HS6ST3: variants seen among roughly 807,000 people sequenced by gnomAD.
The protein encoded by HS6ST3 is heparan sulfate 6-O-sulfotransferase 3, also known as heparan-sulfate 6-O-sulfotransferase 3.
Under a neutral mutation model 36.7 loss-of-function variants are expected in HS6ST3, and 12 were observed. The observed-to-expected ratio is 0.33, with a 90% confidence interval of 0.21 to 0.53. The LOEUF (loss-of-function observed/expected upper bound fraction) is 0.53, where lower values mean the gene tolerates loss of function less well. Ranked by LOEUF, HS6ST3 falls within the 20% of genes least tolerant of loss-of-function variation. The pLI, the probability that HS6ST3 is intolerant of heterozygous loss-of-function variation, is 0.95. For synonymous variants in HS6ST3, 240 were observed against 257.5 expected (o/e 0.93, Z 0.65); for missense variants, 584 against 640.9 (o/e 0.91, Z 0.96).
intron 1 of HS6ST3, among the ~76,000 whole-genome samples, chr13:96,383,201 C>T (rs1268883406): frequency 6.6e-6 from 1 of 152,018 alleles, no homozygotes; most frequent in East Asian, 1.9e-4. Flanking sequence ...CCTGTAATCC[C>T]AGCACTTTGG....
intron 1 of HS6ST3, among the ~76,000 whole-genome samples, chr13:96,716,630 T>C (rs1209664799): frequency 6.6e-6 from 1 of 152,208 alleles, no homozygotes; most frequent in Non-Finnish European, 1.5e-5. Context: ...ATCATCTACC[T>C]ATCATTTAAT....
rs147761104 is a variant in HS6ST3, at chr13:96,255,759, C to G, written c.707+164190C>G. On this transcript the variant is annotated intron_variant, in intron 1 of 1. Coordinates refer to ENST00000376705, the MANE Select transcript of HS6ST3 (RefSeq NM_153456.4). ...TAGAAAACTTTATCCATATGAACAGCTCTAGTGATTTCCAAGTTTCTCTTT... is the reference window on the plus strand; with the variant it reads ...TAGAAAACTTTATCCATATGAACAGGTCTAGTGATTTCCAAGTTTCTCTTT... Among the ~76,000 whole-genome samples, 109 of 152,298 alleles carry G rather than the reference C, an allele frequency of 7.2e-4. 2 individuals carry two copies. Among genetic ancestry groups the G allele is most frequent in the African/African-American group, 2.5e-3 (105 of 41,568 alleles).
intron 1 of HS6ST3, among the ~76,000 whole-genome samples, chr13:96,724,556 C>T (rs910804285): frequency 6.6e-6 from 1 of 152,182 alleles, no homozygotes; most frequent in Non-Finnish European, 1.5e-5. Context: ...AGCAAACACT[C>T]ATCTGCTTTC....
intron 1 of HS6ST3, among the ~76,000 whole-genome samples, chr13:96,820,056 A>G (rs892164998): frequency 3.9e-5 from 6 of 152,090 alleles, no homozygotes; most frequent in Admixed American, 3.3e-4. Context: ...AGCCTGGGCA[A>G]TAGAGTGAGA....
intron 1 of HS6ST3, among the ~76,000 whole-genome samples, chr13:96,734,811 C>T (rs765353271): frequency 1.3e-5 from 2 of 152,156 alleles, no homozygotes; most frequent in African/African-American, 4.8e-5. Flanking sequence ...TGATTCTCTT[C>T]GCCAGATCAG....
At chr13:96,460,346 CTTAT>C in intron 1 of HS6ST3, among the ~76,000 whole-genome samples, 1 of 152,262 alleles carries the variant, frequency 6.6e-6, no homozygotes, top group East Asian at 1.9e-4. Context: ...AATTCTTCTA[CTTAT>C]TTAAGTTGTC....
chr13:96,805,570 T>C (rs935074235), intron 1 of HS6ST3, among the ~76,000 whole-genome samples: 1 of 152,232 alleles, frequency 6.6e-6, no homozygotes, highest in African/African-American at 2.4e-5. Flanking sequence ...TTATTTACTA[T>C]GTGCCAAGCA....
In HS6ST3 at chr13:96,762,132, T is replaced by A. The variant is rs73562331; in HGVS notation, c.708-70358T>A. On this transcript the variant is annotated intron_variant, in intron 1 of 1. Coordinates refer to ENST00000376705, the MANE Select transcript of HS6ST3 (RefSeq NM_153456.4). ...TTACATTGCTTGCAATTAAAATCTGTAAATATTTAGATACCTACCATCAAG... is the reference window on the plus strand; with the variant it reads ...TTACATTGCTTGCAATTAAAATCTGAAAATATTTAGATACCTACCATCAAG... Among the ~76,000 whole-genome samples the A allele has an allele frequency of 9.0e-3, 1,369 of 152,256 alleles. 23 individuals are homozygous for A. The highest frequency in any genetic ancestry group is 0.031 in the African/African-American group (1,295 of 41,546).
At chr13:96,184,878 T>A (rs575668785) in intron 1 of HS6ST3, among the ~76,000 whole-genome samples, 1 of 152,078 alleles carries the variant, frequency 6.6e-6, no homozygotes, top group Admixed American at 6.6e-5. Context: ...AGGGTAAGGA[T>A]CTCATCATCT....
rs1221321839 is a variant in HS6ST3, at chr13:96,799,966, G to GTATA, written c.708-32512_708-32509dup. On this transcript the variant is annotated intron_variant, in intron 1 of 1. Coordinates refer to ENST00000376705, the MANE Select transcript of HS6ST3 (RefSeq NM_153456.4). ...TGTGTATATATATATATATATATGT[G>GTATA]TATATATATATATATGTATATATAT... Among the ~76,000 whole-genome samples the GTATA allele has an allele frequency of 4.9e-5, 3 of 60,674 alleles. 1 individual carries two copies. The highest frequency in any genetic ancestry group is 2.6e-4 in the African/African-American group (2 of 7,758). 39.8% of individuals were successfully genotyped at this position (60,674 alleles called of 152,430 possible).
At chr13:96,163,331 G>A (rs1286098844) in intron 1 of HS6ST3, among the ~76,000 whole-genome samples, 3 of 147,240 alleles carry the variant, frequency 2.0e-5, no homozygotes, top group African/African-American at 5.0e-5. Flanking sequence ...CCGGGTTCAC[G>A]ACATTCTCCT....
At chr13:96,495,677 A>G (rs1296978868) in intron 1 of HS6ST3, among the ~76,000 whole-genome samples, 1 of 152,174 alleles carries the variant, frequency 6.6e-6, no homozygotes, top group East Asian at 1.9e-4. Flanking sequence ...GCCTGGGGCA[A>G]GGGGAGTGTA....
At chr13:96,113,084 C>T (rs1462670348) in intron 1 of HS6ST3, among the ~76,000 whole-genome samples, 1 of 152,024 alleles carries the variant, frequency 6.6e-6, no homozygotes, top group South Asian at 2.1e-4. Flanking sequence ...GTGTGGTGTT[C>T]CTCCAGATCC....
At chr13:96,399,658 T>C (rs367716371) in intron 1 of HS6ST3, among the ~76,000 whole-genome samples, 3 of 152,280 alleles carry the variant, frequency 2.0e-5, no homozygotes, top group Non-Finnish European at 4.4e-5. Flanking sequence ...AGAATATCAC[T>C]GACCATTGCC....
intron 1 of HS6ST3, among the ~76,000 whole-genome samples, chr13:96,355,358 TACACACACACACACACACACACAC>T (rs66509801): frequency 4.3e-5 from 6 of 140,482 alleles, no homozygotes; most frequent in Non-Finnish European, 6.2e-5. Flanking sequence ...AGTCTATAGT[TACACACACACACACACACACACAC>T]ACACACACAC....
chr13:96,800,000 A>ATG (rs1555325266), intron 1 of HS6ST3, among the ~76,000 whole-genome samples: 2 of 89,392 alleles, frequency 2.2e-5, no homozygotes, highest in African/African-American at 5.5e-5. Context: ...ATATATATGT[A>ATG]TATATATATA....
At chr13:96,283,730 T>C (rs1374788068) in intron 1 of HS6ST3, among the ~76,000 whole-genome samples, 1 of 152,222 alleles carries the variant, frequency 6.6e-6, no homozygotes, top group East Asian at 1.9e-4. Flanking sequence ...CTAAGGCATT[T>C]CTGTTACTCC....
chr13:96,413,994 A>G (rs571055985), intron 1 of HS6ST3, among the ~76,000 whole-genome samples: 4 of 152,212 alleles, frequency 2.6e-5, no homozygotes, highest in Non-Finnish European at 4.4e-5. Context: ...TGTTACATAA[A>G]TTAAACTGGA....
chr13:96,100,618 C>T (rs2053813729), intron 1 of HS6ST3, among the ~76,000 whole-genome samples: 2 of 152,164 alleles, frequency 1.3e-5, no homozygotes, highest in South Asian at 2.1e-4. Flanking sequence ...AGAAAGCAGC[C>T]ACTGCTAGAG....
Sources: allele counts gnomAD v4.1 joint callset (sites outside exome capture counted in the v4.1 genomes callset), GRCh38; gene constraint gnomAD v4.1.1; transcripts MANE v1.5; gene names NCBI Gene and HGNC (gene_info 2026-07-23, HGNC 2026-07-21).